Variants in RPA3 observed in about 807,000 individuals in gnomAD.
RPA3 encodes the protein replication protein A3, also known as replication protein A 14 kDa subunit.
Under a neutral mutation model 13.7 loss-of-function variants are expected in RPA3, and 24 were observed. The observed-to-expected ratio is 1.75, with a 90% CI of 1.27 to 2.46. RPA3 has a LOEUF of 2.46. Among genes scored for constraint, RPA3 ranks in the 30% most tolerant of loss-of-function variants. The probability of loss-of-function intolerance (pLI) is 0.00; values close to 1 mark genes in which losing one functional copy is unlikely to be tolerated. For missense variants in RPA3, 183 were observed against 151.0 expected (o/e 1.21, Z -1.11); for synonymous variants, 59 against 51.2 (o/e 1.15, Z -0.65).
chr7:7,655,173 C>G (rs2115080656), intron 4 of RPA3, among the ~76,000 whole-genome samples: 1 of 152,180 alleles, frequency 6.6e-6, no homozygotes, highest in East Asian at 1.9e-4. Context: ...AATGATGCCT[C>G]TGGCCTGCTC....
chr7:7,672,679 G>T (rs1779637253), intron 4 of RPA3, among the ~76,000 whole-genome samples: 1 of 152,150 alleles, frequency 6.6e-6, no homozygotes, highest in African/African-American at 2.4e-5. Flanking sequence ...CTGTGAGGAG[G>T]TGACTTCCCC....
chr7:7,655,949 C>G (rs1785331086), intron 4 of RPA3, among the ~76,000 whole-genome samples: 1 of 152,130 alleles, frequency 6.6e-6, no homozygotes, highest in South Asian at 2.1e-4. Context: ...GATTCTCCTG[C>G]CTCAGCCTTC....
chr7:7,637,757 T>G, intron 7 of RPA3, 107 bp downstream of exon 7: 1 of 519,970 alleles, frequency 1.9e-6, no homozygotes, highest in Non-Finnish European at 3.5e-6. Context: ...GTTATGTAAT[T>G]ACATACAGTT....
chr7:7,716,307 T>C (rs539400684), intron 1 of RPA3, among the ~76,000 whole-genome samples: 1 of 152,350 alleles, frequency 6.6e-6, no homozygotes, highest in South Asian at 2.1e-4. Context: ...TTTATTCTTA[T>C]AACTTCAAAG....
At chr7:7,678,205 C>A (rs2115116254) in intron 4 of RPA3, among the ~76,000 whole-genome samples, 1 of 151,912 alleles carries the variant, frequency 6.6e-6, no homozygotes, top group South Asian at 2.1e-4. Flanking sequence ...ATTCCTGCCA[C>A]CAGGGTATGA....
chr7:7,684,079 C>T (rs967681282), intron 4 of RPA3, among the ~76,000 whole-genome samples: 3 of 152,194 alleles, frequency 2.0e-5, no homozygotes, highest in Non-Finnish European at 2.9e-5. Context: ...CTCCCATATA[C>T]TTTAAATCAT....
intron 5 of RPA3, 84 bp from the exon 6 acceptor site, chr7:7,639,228 C>A (rs145120645): frequency 1.3e-5 from 12 of 901,022 alleles, no homozygotes; most frequent in Middle Eastern, 4.9e-4. Context: ...CTTAGTTGAG[C>A]ACAAATCAAC....
At chr7:7,672,078 A>C (rs1431181271) in intron 4 of RPA3, among the ~76,000 whole-genome samples, 1 of 152,172 alleles carries the variant, frequency 6.6e-6, no homozygotes, top group Non-Finnish European at 1.5e-5. Context: ...TATAATTTTC[A>C]GTTGCTAGAA....
chr7:7,693,569 G>A (rs955985116), intron 2 of RPA3, among the ~76,000 whole-genome samples: 1 of 151,978 alleles, frequency 6.6e-6, no homozygotes, highest in Non-Finnish European at 1.5e-5. Context: ...CAGTGTATCA[G>A]GAGGCATCCT....
At chr7:7,670,593 C>G (rs1194648898) in intron 4 of RPA3, among the ~76,000 whole-genome samples, 1 of 152,206 alleles carries the variant, frequency 6.6e-6, no homozygotes, top group Non-Finnish European at 1.5e-5. Flanking sequence ...GGCAGTCTGT[C>G]TCATTGCCCC....
intron 4 of RPA3, among the ~76,000 whole-genome samples, chr7:7,642,780 C>T (rs547820672): frequency 6.6e-6 from 1 of 152,276 alleles, no homozygotes; most frequent in African/African-American, 2.4e-5. Flanking sequence ...CCAGTTTGCA[C>T]TTCCCCAATG....
At chr7:7,677,461 A>G (rs1779770972) in intron 4 of RPA3, among the ~76,000 whole-genome samples, 1 of 151,798 alleles carries the variant, frequency 6.6e-6, no homozygotes, top group South Asian at 2.1e-4. Context: ...CATGAGTTCA[A>G]TTTGAAAAAA....
At chr7:7,655,097 C>G (rs62452504) in intron 4 of RPA3, among the ~76,000 whole-genome samples, 9,451 of 152,058 alleles carry the variant, frequency 0.062, 388 homozygotes, top group Middle Eastern at 0.13. Flanking sequence ...AGCAATGATT[C>G]CAGACAGTTC....
At chr7:7,656,301 T>G (rs776560999) in intron 4 of RPA3, among the ~76,000 whole-genome samples, 5 of 152,174 alleles carry the variant, frequency 3.3e-5, no homozygotes, top group Non-Finnish European at 7.3e-5. Flanking sequence ...AACTTGTTCA[T>G]GTATTTAAAA....
rs1285908322 is a variant in RPA3 at position 7,668,944 on chromosome 7, G to A, written c.-758+16886C>T. The stretch of plus-strand genomic sequence containing the variant: ...CCACACTCACTCAGAAAGGAACCAT[G>A]TAGACATGCCAGTCCACCTAATGGA... On this transcript the variant is annotated intron_variant, in intron 4 of 7. Coordinates refer to ENST00000223129, the MANE Select transcript of RPA3 (RefSeq NM_002947.5). 1.1e-3 allele frequency among the ~76,000 whole-genome samples: 167 copies of A among 152,144 alleles called. 1 individual carries two copies. The highest frequency in any genetic ancestry group is 2.6e-4 in the Non-Finnish European group (18 of 68,018).
At chr7:7,700,176 A>C (rs1013559426) in intron 2 of RPA3, among the ~76,000 whole-genome samples, 1 of 152,168 alleles carries the variant, frequency 6.6e-6, no homozygotes. Context: ...GGCATTGGCA[A>C]ATAGGCAGTC....
chr7:7,683,626 C>T (rs1779965068), intron 4 of RPA3, among the ~76,000 whole-genome samples: 2 of 150,016 alleles, frequency 1.3e-5, no homozygotes, highest in East Asian at 2.0e-4. Context: ...TTTTCTTTTC[C>T]TTTTCTTTTT....
At chr7:7,716,636 T>C (rs1780911010) in intron 1 of RPA3, among the ~76,000 whole-genome samples, 1 of 152,182 alleles carries the variant, frequency 6.6e-6, no homozygotes, top group Non-Finnish European at 1.5e-5. Flanking sequence ...CCCATCTGCC[T>C]AGTAAAAGAT....
At chr7:7,685,438 T>C (rs1780022151) in intron 4 of RPA3, among the ~76,000 whole-genome samples, 1 of 151,734 alleles carries the variant, frequency 6.6e-6, no homozygotes, top group Non-Finnish European at 1.5e-5. Flanking sequence ...GCCTTCCGAG[T>C]AGCTGGGACT....
Sources: gnomAD v4.1 joint callset for allele counts (sites outside exome capture counted in the v4.1 genomes callset) on GRCh38, gnomAD v4.1.1 for gene constraint, MANE v1.5 for transcripts, NCBI Gene and HGNC (gene_info 2026-07-23, HGNC 2026-07-21) for gene names.